The following TTC39C variants were observed in gnomAD, a reference collection of about 807,000 sequenced individuals.
The protein encoded by TTC39C is tetratricopeptide repeat domain 39C, also known as tetratricopeptide repeat protein 39C.
Under a neutral mutation model 76.3 loss-of-function variants are expected in TTC39C, and 33 were observed. The ratio of observed to expected loss-of-function variants is 0.43; its 90% CI spans 0.33 to 0.58. The LOEUF is 0.58. Among genes scored for constraint, TTC39C ranks in the 20% least tolerant of loss-of-function variants. The probability of loss-of-function intolerance (pLI) is 0.04; values close to 1 mark genes in which losing one functional copy is unlikely to be tolerated. For synonymous variants in TTC39C, 254 were observed against 260.6 expected (o/e 0.97, Z 0.24); for missense variants, 595 against 701.4 (o/e 0.85, Z 1.71).
At chr18:24,070,983 CA>C (rs1169210991) in intron 4 of TTC39C, among the ~76,000 whole-genome samples, 2 of 151,660 alleles carry the variant, frequency 1.3e-5, no homozygotes, top group Non-Finnish European at 2.9e-5. Flanking sequence ...GGTTGGAGTG[CA>C]GTGGTGCGAT....
intron 10 of TTC39C, among the ~76,000 whole-genome samples, chr18:24,127,329 T>G (rs1365574987): frequency 6.6e-6 from 1 of 152,148 alleles, no homozygotes; most frequent in Admixed American, 6.5e-5. Context: ...TCATAAGCAT[T>G]TATTAAACTC....
chr18:24,000,994 C>T (rs1355658389), intron 1 of TTC39C, among the ~76,000 whole-genome samples: 4 of 151,810 alleles, frequency 2.6e-5, no homozygotes, highest in African/African-American at 9.7e-5. Flanking sequence ...GATCTCTGAT[C>T]CAATGGCTTC....
chr18:24,123,767 C>A, intron 8 of TTC39C, 67 bp from the exon 9 acceptor site: 4 of 1,135,576 alleles, frequency 3.5e-6, no homozygotes, highest in South Asian at 1.5e-5. Context: ...AGTATCATCA[C>A]TTCAGGTATC....
At chr18:24,047,051 T>C (rs4800536) in intron 1 of TTC39C, among the ~76,000 whole-genome samples, 108,285 of 151,652 alleles carry the variant, frequency 0.71, 41,318 homozygotes, top group East Asian at 0.83. Context: ...TAGTACAGTT[T>C]GCAGTTTCTT....
intron 10 of TTC39C, among the ~76,000 whole-genome samples, chr18:24,126,837 G>A (rs1002508466): frequency 6.6e-6 from 1 of 151,964 alleles, no homozygotes; most frequent in Non-Finnish European, 1.5e-5. Context: ...TAAAGGAGTT[G>A]CATAATTCAA....
At chr18:24,066,990 G>A (rs2084174143) in intron 3 of TTC39C, among the ~76,000 whole-genome samples, 1 of 152,120 alleles carries the variant, frequency 6.6e-6, no homozygotes, top group Non-Finnish European at 1.5e-5. Context: ...GCTAGATTTG[G>A]AACAACAGTG....
At chr18:24,123,561 C>T (rs563481296) in intron 8 of TTC39C, 3 of 261,036 alleles carry the variant, frequency 1.1e-5, no homozygotes, top group African/African-American at 4.5e-5. Flanking sequence ...CATGTGCCAC[C>T]ACGCCTGGCT....
intron 6 of TTC39C, among the ~76,000 whole-genome samples, chr18:24,085,959 G>A (rs1231860168): frequency 6.6e-6 from 1 of 152,162 alleles, no homozygotes. Context: ...TGTGTAGGAC[G>A]GTATCAGAAA....
intron 6 of TTC39C, among the ~76,000 whole-genome samples, chr18:24,102,325 C>G (rs1437704516): frequency 6.6e-6 from 1 of 152,188 alleles, no homozygotes; most frequent in East Asian, 1.9e-4. Context: ...AAGGTGATTG[C>G]TATTCATTCA....
intron 1 of TTC39C, among the ~76,000 whole-genome samples, chr18:24,030,763 G>A (rs538160202): frequency 2.5e-4 from 36 of 141,392 alleles, no homozygotes; most frequent in Non-Finnish European, 5.1e-4. Flanking sequence ...CGATTCTCCA[G>A]CCTCACTCAG....
intron 1 of TTC39C, 135 bp downstream of exon 1, chr18:24,015,173 T>TG: frequency 4.0e-6 from 3 of 751,666 alleles, no homozygotes; most frequent in Non-Finnish European, 5.9e-6. Flanking sequence ...GTCTCCTCCC[T>TG]GGCAAGATCA....
chr18:24,123,229 G>T (rs570456613), intron 8 of TTC39C, among the ~76,000 whole-genome samples: 1 of 152,286 alleles, frequency 6.6e-6, no homozygotes, highest in Admixed American at 6.5e-5. Context: ...CACTGTGACA[G>T]TAGCTAAGGA....
chr18:24,040,987 C>T (rs2083785860), intron 1 of TTC39C, among the ~76,000 whole-genome samples: 2 of 151,874 alleles, frequency 1.3e-5, no homozygotes, highest in South Asian at 2.1e-4. Context: ...ATGAAAGTGG[C>T]GTTAGTGGAA....
At chr18:24,045,717 T>C (rs2083860498) in intron 1 of TTC39C, among the ~76,000 whole-genome samples, 1 of 151,676 alleles carries the variant, frequency 6.6e-6, no homozygotes. Context: ...AAATTACTTC[T>C]TCTGTGTGCA....
rs758882336 is a variant in TTC39C at position 24,134,566 on chromosome 18, T to G, written c.*1992T>G. On this transcript the variant is annotated 3_prime_UTR_variant, in exon 14 of 14. Transcript: ENST00000317571. ...CTGGGATTACTGGTGTGAGCCACCG[T>G]GCCCGGCCTGGACATCTGGTTTTAA... The G allele has an allele frequency of 6.6e-6, 1 of 152,158 alleles. No homozygotes were observed. The highest frequency in any genetic ancestry group is 1.5e-5 in the Non-Finnish European group (1 of 68,034). 9.4% of individuals were successfully genotyped at this position (152,158 alleles called of 1,614,324 possible).
Position 24,066,036 on chromosome 18 carries a change from G to GA in TTC39C, c.247dup (p.Met83AsnfsTer6). The GA allele has an allele frequency of 1.9e-6, 3 of 1,596,246 alleles. No individual in the cohort carries two copies. The highest frequency in any genetic ancestry group is 2.6e-6 in the Non-Finnish European group (3 of 1,174,110). The stretch of plus-strand genomic sequence containing the variant: ...GAATGCCATGATGACATTTGAGGAA[G>GA]AAAAAATGCAGTTGGCATGTGATGA... On this transcript the variant is annotated frameshift_variant, in exon 3 of 14. Transcript: ENST00000317571. LOFTEE classifies it high-confidence loss of function.
chr18:24,107,264 C>T (rs1448599246), intron 6 of TTC39C, among the ~76,000 whole-genome samples: 1 of 148,540 alleles, frequency 6.7e-6, no homozygotes. Context: ...TTAGATATCT[C>T]TTAGGCCTTT....
At chr18:24,057,259 GA>G (rs2084027646) in intron 1 of TTC39C, among the ~76,000 whole-genome samples, 1 of 151,776 alleles carries the variant, frequency 6.6e-6, no homozygotes, top group African/African-American at 2.4e-5. Context: ...ATTACACACC[GA>G]AAAAAAGAAT....
At chr18:24,014,732 C>G (rs561934858), upstream of TTC39C, 2 of 1,139,060 alleles carry the variant, frequency 1.8e-6, no homozygotes, top group Middle Eastern at 3.6e-4. Context: ...CTCCTCTTCC[C>G]TCCCGTCTTC....
Sources: allele counts gnomAD v4.1 joint callset (sites outside exome capture counted in the v4.1 genomes callset), GRCh38; gene constraint gnomAD v4.1.1; transcripts MANE v1.5; gene names NCBI Gene and HGNC (gene_info 2026-07-23, HGNC 2026-07-21).